Variants in PLEKHM3 observed in about 807,000 individuals in gnomAD.
The protein encoded by PLEKHM3 is pleckstrin homology domain-containing family M member 3.
In PLEKHM3, 45 loss-of-function variants were observed where a neutral mutation model predicts 81.8. The observed-to-expected ratio is 0.55, with a 90% confidence interval of 0.43 to 0.71. The LOEUF (loss-of-function observed/expected upper bound fraction) is 0.71, where lower values mean the gene tolerates loss of function less well. Among genes scored for constraint, PLEKHM3 ranks in the 30% least tolerant of loss-of-function variants. PLEKHM3 has a pLI of 0.00. For synonymous variants in PLEKHM3, 352 were observed against 356.4 expected (o/e 0.99, Z 0.14); for missense variants, 788 against 924.3 (o/e 0.85, Z 1.91).
At chr2:207,922,628 C>T (rs529701455) in intron 5 of PLEKHM3, among the ~76,000 whole-genome samples, 6 of 152,074 alleles carry the variant, frequency 3.9e-5, no homozygotes, top group East Asian at 3.9e-4. Context: ...CTGGCTAACA[C>T]GGTGAAAACC....
intron 6 of PLEKHM3, among the ~76,000 whole-genome samples, chr2:207,891,167 C>T (rs1187510560): frequency 6.6e-6 from 1 of 152,172 alleles, no homozygotes; most frequent in Non-Finnish European, 1.5e-5. Context: ...GGTGTTCTTG[C>T]TATCCAGGGA....
At chr2:207,862,064 C>T (rs989338676) in intron 6 of PLEKHM3, among the ~76,000 whole-genome samples, 4 of 152,118 alleles carry the variant, frequency 2.6e-5, no homozygotes, top group African/African-American at 9.7e-5. Flanking sequence ...ACAGTGGCCT[C>T]ACCTGTGGGC....
chr2:207,849,344 T>C (rs1246682301), intron 7 of PLEKHM3, among the ~76,000 whole-genome samples: 5 of 150,140 alleles, frequency 3.3e-5, no homozygotes, highest in African/African-American at 9.8e-5. Flanking sequence ...AAAAAAAAAG[T>C]GTACAGACTA....
At position 207,861,143 on chromosome 2, in the gene PLEKHM3, T is replaced by TAC. The variant is rs2092464950; in HGVS notation, c.2069_2070insGT (p.Glu691Ter). 3 of 1,614,052 alleles carry TAC rather than the reference T, an allele frequency of 1.9e-6. No homozygotes were observed. The South Asian group carries it at 3.3e-5, about 18-fold the overall frequency. ...TATCCTCAAAAGGGTAGAGGATCTCTCCATTGTTACAGATTTCACAGATGA... is the reference window on the plus strand; with the variant it reads ...TATCCTCAAAAGGGTAGAGGATCTCTACCCATTGTTACAGATTTCACAGATGA... On this transcript the variant is annotated frameshift_variant, in exon 7 of 8. Transcript: ENST00000427836. LOFTEE classifies it high-confidence loss of function.
chr2:207,983,470 G>A (rs1691611509), intron 2 of PLEKHM3, among the ~76,000 whole-genome samples: 1 of 151,824 alleles, frequency 6.6e-6, no homozygotes. Flanking sequence ...AAATGATCCA[G>A]ATAGGATCAC....
At chr2:207,915,175 T>G (rs1266571620) in intron 5 of PLEKHM3, among the ~76,000 whole-genome samples, 1 of 152,230 alleles carries the variant, frequency 6.6e-6, no homozygotes, top group Non-Finnish European at 1.5e-5. Flanking sequence ...GAAGGTAACT[T>G]AGGCTTCATT....
At chr2:208,024,077 A>C (rs1023458615) in intron 1 of PLEKHM3, among the ~76,000 whole-genome samples, 1 of 151,748 alleles carries the variant, frequency 6.6e-6, no homozygotes, top group Non-Finnish European at 1.5e-5. Context: ...CAGGAAGTCG[A>C]GACTGCAGTG....
At chr2:207,858,022 A>G (rs2105806151) in intron 7 of PLEKHM3, among the ~76,000 whole-genome samples, 1 of 149,558 alleles carries the variant, frequency 6.7e-6, no homozygotes, top group East Asian at 2.0e-4. Flanking sequence ...TTTATATTTC[A>G]TTTTCATTCA....
At chr2:207,950,193 T>A (rs1690283942) in intron 3 of PLEKHM3, among the ~76,000 whole-genome samples, 2 of 152,216 alleles carry the variant, frequency 1.3e-5, no homozygotes, top group African/African-American at 2.4e-5. Flanking sequence ...TCATACTTTA[T>A]TTAGAACCAG....
intron 6 of PLEKHM3, among the ~76,000 whole-genome samples, chr2:207,895,398 C>G (rs947050411): frequency 6.6e-6 from 1 of 152,196 alleles, no homozygotes; most frequent in South Asian, 2.1e-4. Context: ...AGGTGAAACT[C>G]AAATCCGTAG....
chr2:207,903,079 C>G (rs1003726643), intron 6 of PLEKHM3, among the ~76,000 whole-genome samples: 1 of 152,146 alleles, frequency 6.6e-6, no homozygotes, highest in African/African-American at 2.4e-5. Context: ...GTAAGTACTC[C>G]AAATTCCAGA....
intron 4 of PLEKHM3, among the ~76,000 whole-genome samples, chr2:207,938,494 G>C (rs1280323816): frequency 2.0e-5 from 3 of 152,202 alleles, no homozygotes; most frequent in African/African-American, 7.2e-5. Flanking sequence ...AAGGACAGCA[G>C]GCAGATCTAA....
At chr2:207,874,903 T>C (rs1282720194) in intron 6 of PLEKHM3, among the ~76,000 whole-genome samples, 1 of 152,004 alleles carries the variant, frequency 6.6e-6, no homozygotes, top group Non-Finnish European at 1.5e-5. Flanking sequence ...AAAAACTATA[T>C]TTTCTGATAA....
chr2:207,923,237 T>C (rs1689245795), intron 5 of PLEKHM3, among the ~76,000 whole-genome samples: 1 of 152,084 alleles, frequency 6.6e-6, no homozygotes, highest in Non-Finnish European at 1.5e-5. Context: ...GTAGTACATA[T>C]GTTAGAGGGA....
At chr2:208,000,947 T>TA in intron 2 of PLEKHM3, 83 bp downstream of exon 2, 1 of 1,230,076 alleles carries the variant, frequency 8.1e-7, no homozygotes, top group South Asian at 1.7e-5. Context: ...AGAAGTCAGA[T>TA]ATAAAAACAT....
intron 6 of PLEKHM3, among the ~76,000 whole-genome samples, chr2:207,866,455 C>T (rs752765754): frequency 6.6e-6 from 1 of 152,000 alleles, no homozygotes; most frequent in Non-Finnish European, 1.5e-5. Context: ...CTGGGCCTGG[C>T]GAATTCTTAA....
At chr2:207,934,978 A>G (rs1689701760) in intron 4 of PLEKHM3, among the ~76,000 whole-genome samples, 1 of 152,210 alleles carries the variant, frequency 6.6e-6, no homozygotes, top group Non-Finnish European at 1.5e-5. Context: ...ATGTTTAACC[A>G]TAGATAGCAA....
At chr2:207,968,084 A>T (rs1242509655) in intron 3 of PLEKHM3, among the ~76,000 whole-genome samples, 1 of 151,836 alleles carries the variant, frequency 6.6e-6, no homozygotes, top group Non-Finnish European at 1.5e-5. Context: ...AAGTTAACAG[A>T]GATTGTAGTA....
chr2:207,837,202 C>A (rs965059375), intron 7 of PLEKHM3, among the ~76,000 whole-genome samples: 22 of 152,238 alleles, frequency 1.4e-4, no homozygotes, highest in African/African-American at 5.1e-4. Context: ...CAGCCAATAT[C>A]ATGTATAGTT....
Sources: gnomAD v4.1 joint callset for allele counts (sites outside exome capture counted in the v4.1 genomes callset) on GRCh38, gnomAD v4.1.1 for gene constraint, MANE v1.5 for transcripts, NCBI Gene and HGNC (gene_info 2026-07-23, HGNC 2026-07-21) for gene names.